Variants in HPSE2 observed in about 807,000 individuals in gnomAD.
HPSE2 encodes the protein heparanase 2 (inactive), also known as inactive heparanase-2.
In HPSE2, 38 loss-of-function variants were observed where a neutral mutation model predicts 60.5. The ratio of observed to expected loss-of-function variants is 0.63; its 90% CI spans 0.48 to 0.82. The LOEUF (loss-of-function observed/expected upper bound fraction) is 0.82, where lower values mean the gene tolerates loss of function less well. HPSE2 is among the 40% of genes least tolerant of loss of function. HPSE2 has a pLI of 0.00. For missense variants in HPSE2, 713 were observed against 740.4 expected (o/e 0.96, Z 0.43); for synonymous variants, 295 against 293.2 (o/e 1.01, Z -0.06).
At chr10:98,469,270 G>A (rs1245023985) in intron 11 of HPSE2, among the ~76,000 whole-genome samples, 1 of 152,150 alleles carries the variant, frequency 6.6e-6, no homozygotes, top group Non-Finnish European at 1.5e-5. Flanking sequence ...TCATCTGGGG[G>A]AAGTTTGGAA....
intron 3 of HPSE2, among the ~76,000 whole-genome samples, chr10:98,805,522 A>T (rs1318002658): frequency 6.6e-6 from 1 of 152,158 alleles, no homozygotes; most frequent in Non-Finnish European, 1.5e-5. Context: ...GTACCTCATA[A>T]ATATATACAC....
intron 11 of HPSE2, among the ~76,000 whole-genome samples, chr10:98,472,155 T>C (rs1370608846): frequency 6.6e-6 from 1 of 151,950 alleles, no homozygotes; most frequent in African/African-American, 2.4e-5. Context: ...TTTTTCTATA[T>C]ACTGCCTCAG....
chr10:99,094,540 ATTTTTTTTTTTTTTTT>A (rs531721304), intron 3 of HPSE2, among the ~76,000 whole-genome samples: 3 of 26,614 alleles, frequency 1.1e-4, no homozygotes, highest in Non-Finnish European at 1.8e-4. Flanking sequence ...ATATATATAT[ATTTTTTTTTTTTTTTT>A]TTTTTTTTTT....
intron 3 of HPSE2, among the ~76,000 whole-genome samples, chr10:99,123,877 C>T (rs1389114379): frequency 2.6e-5 from 4 of 152,110 alleles, no homozygotes; most frequent in Non-Finnish European, 4.4e-5. Context: ...GCAGGTCGTC[C>T]TGACAATTGT....
intron 3 of HPSE2, among the ~76,000 whole-genome samples, chr10:99,072,021 GTTTGTT>G (rs1462769805): frequency 3.2e-4 from 27 of 84,366 alleles, no homozygotes; most frequent in Admixed American, 1.7e-3. Context: ...CTCTAACTTT[GTTTGTT>G]TTTTTTTTTT....
In HPSE2 at chr10:98,692,767, T is replaced by TCAAA. The variant is rs532090386; in HGVS notation, c.1004+1129_1004+1132dup. On this transcript the variant is annotated intron_variant, in intron 6 of 11. Coordinates refer to ENST00000370552, the MANE Select transcript of HPSE2 (RefSeq NM_021828.5). Reference sequence around the variant, plus strand: ...CTGGGCGACAGAGCGAGACTCTGTCTCAAACAAACAAACAAACAAACAAAC... The same window carrying TCAAA: ...CTGGGCGACAGAGCGAGACTCTGTCTCAAACAAACAAACAAACAAACAAACAAAC... Among the ~76,000 whole-genome samples the TCAAA allele has an allele frequency of 4.5e-3, 542 of 121,768 alleles. 5 individuals carry two copies. The East Asian group carries it at 0.064, about 14-fold the overall frequency. The allele number at this position is 121,768 out of a possible 152,430, so 79.9% of individuals were successfully genotyped here.
chr10:98,960,455 C>T (rs974642719), intron 3 of HPSE2, among the ~76,000 whole-genome samples: 6 of 151,730 alleles, frequency 4.0e-5, no homozygotes, highest in Middle Eastern at 3.4e-3. Flanking sequence ...TTACATTATT[C>T]GAGTTAAAAA....
intron 7 of HPSE2, among the ~76,000 whole-genome samples, chr10:98,637,462 A>G (rs1431526652): frequency 6.6e-6 from 1 of 152,242 alleles, no homozygotes; most frequent in Non-Finnish European, 1.5e-5. Flanking sequence ...ACTAGCATTC[A>G]ATAACAATGA....
At chr10:99,057,338 C>T (rs1958137824) in intron 3 of HPSE2, among the ~76,000 whole-genome samples, 1 of 152,102 alleles carries the variant, frequency 6.6e-6, no homozygotes, top group South Asian at 2.1e-4. Flanking sequence ...CTTACCTGAA[C>T]CAAACTACAG....
At chr10:99,307,542 C>A in the HPSE2 span, among the ~76,000 whole-genome samples, 1 of 152,124 alleles carries the variant, frequency 6.6e-6, no homozygotes, top group Non-Finnish European at 1.5e-5. Context: ...TCAACAACAC[C>A]CTATGCCTTA....
At chr10:98,956,206 G>A (rs1024844616) in intron 3 of HPSE2, among the ~76,000 whole-genome samples, 1 of 152,066 alleles carries the variant, frequency 6.6e-6, no homozygotes, top group East Asian at 1.9e-4. Flanking sequence ...CAAGGAAGAT[G>A]AGGACTCTTC....
rs1365762539 is a variant in HPSE2, at chr10:98,609,573, C to A, written c.1320+5331G>T. 1.4e-3 allele frequency among the ~76,000 whole-genome samples: 219 copies of A among 152,170 alleles called. 3 individuals carry two copies. The highest frequency in any genetic ancestry group is 1.0e-4 in the Non-Finnish European group (7 of 68,032). On this transcript the variant is annotated intron_variant, in intron 9 of 11. Transcript: ENST00000370552. ...ACCACTTTTAACATTTAGATGTAGT[C>A]CCCTTCTGTAATTTTCTACATGTAT...
At chr10:98,574,240 A>T (rs993044303) in intron 9 of HPSE2, among the ~76,000 whole-genome samples, 1 of 152,216 alleles carries the variant, frequency 6.6e-6, no homozygotes, top group African/African-American at 2.4e-5. Flanking sequence ...GTTGCTAAAT[A>T]AAGTGCAGTC....
intron 2 of HPSE2, among the ~76,000 whole-genome samples, chr10:99,150,127 G>A (rs956517700): frequency 2.0e-5 from 3 of 152,096 alleles, no homozygotes; most frequent in African/African-American, 7.2e-5. Context: ...AAAGGAGCGG[G>A]CATCTTGCAC....
In HPSE2 at chr10:98,635,486, A is replaced by G. The variant is rs567862691; in HGVS notation, c.1098+6361T>C. Among the ~76,000 whole-genome samples, 6 of 152,324 alleles carry G rather than the reference A, an allele frequency of 3.9e-5. No individual in the cohort carries two copies. In the East Asian group the frequency reaches 9.6e-4, roughly 24 times the overall value. ...GTTATGAAATCAACCTGTCTCCATC[A>G]ACAGATGAACGGAGCCAGGTGTGGT... On this transcript the variant is annotated intron_variant, in intron 7 of 11. Coordinates refer to ENST00000370552, the MANE Select transcript of HPSE2 (RefSeq NM_021828.5).
intron 7 of HPSE2, among the ~76,000 whole-genome samples, chr10:98,622,048 G>A (rs926427268): frequency 1.3e-5 from 2 of 152,202 alleles, no homozygotes; most frequent in African/African-American, 4.8e-5. Flanking sequence ...CTCTAAAGAG[G>A]TAAGAATGAG....
chr10:98,882,805 C>T (rs945009893), intron 3 of HPSE2, among the ~76,000 whole-genome samples: 1 of 152,088 alleles, frequency 6.6e-6, no homozygotes, highest in Admixed American at 6.6e-5. Context: ...CAGTGCTCTA[C>T]ACGAATTATT....
chr10:98,892,849 GT>G (rs1007328315), intron 3 of HPSE2, among the ~76,000 whole-genome samples: 4 of 151,976 alleles, frequency 2.6e-5, no homozygotes, highest in African/African-American at 9.7e-5. Context: ...TTTTTTTCTT[GT>G]TTTTGTTTTC....
intron 3 of HPSE2, among the ~76,000 whole-genome samples, chr10:98,958,526 TAAATG>T (rs1186868268): frequency 6.6e-6 from 1 of 152,162 alleles, no homozygotes; most frequent in East Asian, 1.9e-4. Flanking sequence ...TAGCACATAT[TAAATG>T]AAATAAGGCT....
Sources: gnomAD v4.1 joint callset for allele counts (sites outside exome capture counted in the v4.1 genomes callset) on GRCh38, gnomAD v4.1.1 for gene constraint, MANE v1.5 for transcripts, NCBI Gene and HGNC (gene_info 2026-07-23, HGNC 2026-07-21) for gene names.